Variants in SRCIN1 observed in about 807,000 individuals in gnomAD.
SRCIN1 encodes SRC kinase signaling inhibitor 1.
A neutral mutation model predicts 116.2 loss-of-function variants in SRCIN1; 50 were observed. That is an observed-to-expected ratio of 0.43 (90% CI 0.34 to 0.54). SRCIN1 has a LOEUF of 0.54. SRCIN1 is among the 20% of genes least tolerant of loss of function. SRCIN1 has a pLI of 0.02. For synonymous variants in SRCIN1, 736 were observed against 750.0 expected (o/e 0.98, Z 0.30); for missense variants, 1,446 against 1,672.0 (o/e 0.86, Z 2.36).
chr17:38,587,052 G>A (rs1023522658), intron 1 of SRCIN1, among the ~76,000 whole-genome samples: 1 of 152,048 alleles, frequency 6.6e-6, no homozygotes, highest in African/African-American at 2.4e-5. Flanking sequence ...CTTCCTCCTC[G>A]CCCATCCCAG....
At position 38,578,527 on chromosome 17, in the gene SRCIN1, A is replaced by C. The variant is rs1907574168; in HGVS notation, c.287T>G (p.Leu96Arg). ...HLKSKYPQHA[L>R]ALRGQQDRMR... Reference sequence around the variant, plus strand: ...CCTGTCCTGCTGGCCTCGCAGGGCCAGGGCGTGCTGTGGGTACTTGCTCTT... The same window carrying C: ...CCTGTCCTGCTGGCCTCGCAGGGCCCGGGCGTGCTGTGGGTACTTGCTCTT... Residue 96 changes from leucine to arginine, a missense_variant, in exon 2 of 19, where the codon CTG (leucine) becomes CGG (arginine). Coordinates refer to ENST00000617146, the MANE Select transcript of SRCIN1 (RefSeq NM_025248.3). 1.9e-6 allele frequency: 3 copies of C among 1,597,254 alleles called. No individual in the cohort carries two copies. The highest frequency in any genetic ancestry group is 1.7e-6 in the Non-Finnish European group (2 of 1,166,446).
rs563755619 is a variant in SRCIN1, at chr17:38,568,466, A to T, written c.325-235T>A. Among the ~76,000 whole-genome samples the T allele has an allele frequency of 1.3e-5, 2 of 152,320 alleles. No individual in the cohort carries two copies. The highest frequency in any genetic ancestry group is 4.1e-4 in the South Asian group (2 of 4,826). On this transcript the variant is annotated intron_variant, in intron 2 of 18. Coordinates refer to ENST00000617146, the MANE Select transcript of SRCIN1 (RefSeq NM_025248.3). The surrounding 1 kb of genome is among the most constrained non-coding windows in gnomAD (Gnocchi z 4.5). ...CAGGCGCTACAGCGACTCCTCGCAGAGTTACTGGTGGGAAAAGGCACAGAG... is the reference window on the plus strand; with the variant it reads ...CAGGCGCTACAGCGACTCCTCGCAGTGTTACTGGTGGGAAAAGGCACAGAG...
In SRCIN1 at chr17:38,544,041, G is replaced by C; in HGVS notation, c.3271-72C>G. 1.3e-6 allele frequency: 2 copies of C among 1,483,570 alleles called. No homozygotes were observed. Among genetic ancestry groups the C allele is most frequent in the Non-Finnish European group, 1.8e-6 (2 of 1,113,644 alleles). The allele number at this position is 1,483,570 out of a possible 1,614,324, so 91.9% of individuals were successfully genotyped here. ...GAATCACACAGGAACCCTAGCACTG[G>C]GTGGGGTCTCGGGGCTGGGACCTCC... On this transcript the variant is annotated intron_variant, in intron 17 of 18. Transcript: ENST00000617146. This position sits in a 1 kb window ranked among gnomAD's most constrained non-coding sequence, Gnocchi z 4.5.
At chr17:38,588,790 C>T (rs1455348461) in intron 1 of SRCIN1, among the ~76,000 whole-genome samples, 1 of 152,190 alleles carries the variant, frequency 6.6e-6, no homozygotes, top group African/African-American at 2.4e-5. Flanking sequence ...CACAGGGAAG[C>T]ATTTTCAACA....
chr17:38,605,537 C>T (rs1198666836), intron 1 of SRCIN1, 147 bp downstream of exon 1: 4 of 473,810 alleles, frequency 8.4e-6, no homozygotes, highest in East Asian at 6.8e-5. Flanking sequence ...CACCTGCGCC[C>T]CAGCATCCCT....
intron 15 of SRCIN1, among the ~76,000 whole-genome samples, chr17:38,549,496 C>T (rs1781104636): frequency 6.6e-6 from 1 of 152,172 alleles, no homozygotes; most frequent in East Asian, 1.9e-4. Flanking sequence ...GCAGCTCAGG[C>T]CCCACCTCTG....
At position 38,532,513 on chromosome 17, in the gene SRCIN1, A is replaced by G. The variant is rs921214183; in HGVS notation, c.*784T>C. ...GCTGTCCGTGCAACCCACCCTCCAC[A>G]GCCAGCAGACCAAAGGGCCTCTGCC... is the stretch of plus-strand genomic sequence containing the variant. On this transcript the variant is annotated 3_prime_UTR_variant, in exon 19 of 19. Transcript: ENST00000617146. The surrounding 1 kb of genome is among the most constrained non-coding windows in gnomAD (Gnocchi z 4.3). The G allele has an allele frequency of 2.0e-5, 3 of 152,752 alleles. No homozygotes were observed. Among genetic ancestry groups the G allele is most frequent in the African/African-American group, 7.2e-5 (3 of 41,458 alleles). The allele number at this position is 152,752 out of a possible 1,614,324, so 9.5% of individuals were successfully genotyped here.
At chr17:38,575,674 C>G (rs1019612230) in intron 2 of SRCIN1, among the ~76,000 whole-genome samples, 3 of 152,122 alleles carry the variant, frequency 2.0e-5, no homozygotes, top group Non-Finnish European at 4.4e-5. Context: ...AAATAGGAAC[C>G]GCTGGGCAGG....
At position 38,562,929 on chromosome 17, in the gene SRCIN1, G is replaced by T. The variant is rs1023038574; in HGVS notation, c.741-9C>A. 2 of 1,609,888 alleles carry T rather than the reference G, an allele frequency of 1.2e-6. No individual in the cohort carries two copies. The highest frequency in any genetic ancestry group is 2.7e-5 in the African/African-American group (2 of 74,868). On this transcript the variant is annotated splice_polypyrimidine_tract_variant and intron_variant, in intron 5 of 18. Transcript: ENST00000617146. The surrounding 1 kb of genome is among the most constrained non-coding windows in gnomAD (Gnocchi z 4.2). Reference sequence around the variant, plus strand: ...TGCGGTCCTGGATGTCCCTGGGAGAGGCGGGGAGACGGGGGTCACCACCCA... The same window carrying T: ...TGCGGTCCTGGATGTCCCTGGGAGATGCGGGGAGACGGGGGTCACCACCCA...
chr17:38,563,836 G>T lies in SRCIN1; in HGVS notation c.541+282C>A, dbSNP rs549623540. On this transcript the variant is annotated intron_variant, in intron 4 of 18. Transcript: ENST00000617146. This position sits in a 1 kb window ranked among gnomAD's most constrained non-coding sequence, Gnocchi z 5.8. ...AGCTGAGGGAGAGAGAGGTTGGAGA[G>T]AGTTAGAGAAGGGAGATGGGAGAGA... 1 of 621,204 alleles carries T rather than the reference G, an allele frequency of 1.6e-6. No homozygotes were observed. The highest frequency in any genetic ancestry group is 2.7e-5 in the East Asian group (1 of 36,526). The allele number at this position is 621,204 out of a possible 1,614,324, so 38.5% of individuals were successfully genotyped here.
rs2143200982 is a variant in SRCIN1 at position 38,563,208 on chromosome 17, G to A, written c.740+115C>T. Reference sequence around the variant, plus strand: ...GGGGCGGTAGGGCTCTGGGAGGGGAGGGGAAAGGCTGAGGTCGGGTCAGGA... The same window carrying A: ...GGGGCGGTAGGGCTCTGGGAGGGGAAGGGAAAGGCTGAGGTCGGGTCAGGA... On this transcript the variant is annotated intron_variant, in intron 5 of 18. Coordinates refer to ENST00000617146, the MANE Select transcript of SRCIN1 (RefSeq NM_025248.3). This position sits in a 1 kb window ranked among gnomAD's most constrained non-coding sequence, Gnocchi z 5.8. 1 of 1,219,432 alleles carries A rather than the reference G, an allele frequency of 8.2e-7. No homozygotes were observed. The highest frequency in any genetic ancestry group is 1.1e-6 in the Non-Finnish European group (1 of 873,834). 75.5% of individuals were successfully genotyped at this position (1,219,432 alleles called of 1,614,324 possible). A position where few individuals can be genotyped will look rare whatever the true frequency, so the allele number is the denominator to read the frequency against.
rs144800713 is a variant in SRCIN1 at position 38,543,329 on chromosome 17, G to A, written c.3417+494C>T. Among the ~76,000 whole-genome samples the A allele has an allele frequency of 3.4e-3, 513 of 152,356 alleles. 3 individuals are homozygous for A. Among genetic ancestry groups the A allele is most frequent in the Middle Eastern group, 0.024 (7 of 294 alleles). ...TAGGGGTGGCCTAAGAGCTAAGAGG[G>A]AGACCAGGATGAGAGTGGGGCCCTG... On this transcript the variant is annotated intron_variant, in intron 18 of 18. Transcript: ENST00000617146.
intron 1 of SRCIN1, among the ~76,000 whole-genome samples, chr17:38,595,457 C>A (rs1163818364): frequency 6.6e-6 from 1 of 152,212 alleles, no homozygotes; most frequent in Non-Finnish European, 1.5e-5. Context: ...ACCTCATGAT[C>A]CGCCTGCCTC....
At chr17:38,566,361 C>T (rs553727562) in intron 3 of SRCIN1, among the ~76,000 whole-genome samples, 11 of 152,276 alleles carry the variant, frequency 7.2e-5, no homozygotes, top group East Asian at 1.9e-4. Flanking sequence ...AAAACCCTCT[C>T]GAGAGGAGGG....
chr17:38,580,446 G>T (rs1419055976), intron 1 of SRCIN1, among the ~76,000 whole-genome samples: 2 of 152,054 alleles, frequency 1.3e-5, no homozygotes, highest in African/African-American at 4.8e-5. Context: ...CTGACCACCT[G>T]CCTCATGGCT....
At position 38,544,088 on chromosome 17, in the gene SRCIN1, T is replaced by A; in HGVS notation, c.3271-119A>T. 8.1e-7 allele frequency: 1 copy of A among 1,239,560 alleles called. No homozygotes were observed. Among genetic ancestry groups the A allele is most frequent in the South Asian group, 1.6e-5 (1 of 64,074 alleles). The allele number at this position is 1,239,560 out of a possible 1,614,324, so 76.8% of individuals were successfully genotyped here. Reference sequence around the variant, plus strand: ...CTCCTCAGTGGGGCCCTTTGAGACCTGGAGACCCCTCTCTAGCTCCACACC... The same window carrying A: ...CTCCTCAGTGGGGCCCTTTGAGACCAGGAGACCCCTCTCTAGCTCCACACC... On this transcript the variant is annotated intron_variant, in intron 17 of 18. Coordinates refer to ENST00000617146, the MANE Select transcript of SRCIN1 (RefSeq NM_025248.3). The surrounding 1 kb of genome is among the most constrained non-coding windows in gnomAD (Gnocchi z 4.5).
chr17:38,551,838 T>A (rs1905437860), intron 14 of SRCIN1, 48 bp downstream of exon 14: 2 of 1,609,964 alleles, frequency 1.2e-6, no homozygotes, highest in Admixed American at 1.7e-5. Context: ...GTCGTAAGAA[T>A]GTGTGAACCT....
rs985255266 is a variant in SRCIN1, at chr17:38,568,468, T to C, written c.325-237A>G. On this transcript the variant is annotated intron_variant, in intron 2 of 18. Transcript: ENST00000617146. This position sits in a 1 kb window ranked among gnomAD's most constrained non-coding sequence, Gnocchi z 4.5. ...GGCGCTACAGCGACTCCTCGCAGAG[T>C]TACTGGTGGGAAAAGGCACAGAGGA... Among the ~76,000 whole-genome samples, 1 of 152,070 alleles carries C rather than the reference T, an allele frequency of 6.6e-6. No individual in the cohort carries two copies. Among genetic ancestry groups the C allele is most frequent in the Non-Finnish European group, 1.5e-5 (1 of 68,018 alleles).
In SRCIN1 at chr17:38,558,177, T is replaced by C; in HGVS notation, c.2201+50A>G. The stretch of plus-strand genomic sequence containing the variant: ...CCTCCCAGGGAAACCAGGTTGCGGG[T>C]CACTCCAGCCGCACCCCCACCCCTC... On this transcript the variant is annotated intron_variant, in intron 11 of 18. Coordinates refer to ENST00000617146, the MANE Select transcript of SRCIN1 (RefSeq NM_025248.3). The surrounding 1 kb of genome is among the most constrained non-coding windows in gnomAD (Gnocchi z 4.6). 6.3e-7 allele frequency: 1 copy of C among 1,588,550 alleles called. No homozygotes were observed. Among genetic ancestry groups the C allele is most frequent in the Non-Finnish European group, 8.6e-7 (1 of 1,165,460 alleles).
Sources: allele counts gnomAD v4.1 joint callset (sites outside exome capture counted in the v4.1 genomes callset), GRCh38; gene constraint gnomAD v4.1.1; non-coding constraint Gnocchi (gnomAD v3.1); transcripts MANE v1.5; gene names NCBI Gene and HGNC (gene_info 2026-07-23, HGNC 2026-07-21).